Variants in DSCAM observed in about 807,000 individuals in gnomAD.
The protein encoded by DSCAM is DS cell adhesion molecule, also known as cell adhesion molecule DSCAM.
Under a neutral mutation model 217.7 loss-of-function variants are expected in DSCAM, and 47 were observed. That is an observed-to-expected ratio of 0.22 (90% CI 0.17 to 0.28). DSCAM has a LOEUF of 0.28. Ranked by LOEUF, DSCAM falls within the 10% of genes least tolerant of loss-of-function variation. DSCAM has a pLI of 1.00. For missense variants in DSCAM, 2,080 were observed against 2,618.3 expected, an observed-to-expected ratio of 0.79 and a Z score of 4.49; for synonymous variants, 1,056 against 1,015.3, an observed-to-expected ratio of 1.04 and a Z score of -0.76.
intron 3 of DSCAM, among the ~76,000 whole-genome samples, chr21:40,633,378 G>A (rs908593226): frequency 1.3e-5 from 2 of 152,176 alleles, no homozygotes; most frequent in African/African-American, 2.4e-5. Flanking sequence ...CTCTCTGCAA[G>A]AGCAGGGACC....
chr21:40,058,394 C>T (rs77290333), intron 28 of DSCAM, among the ~76,000 whole-genome samples: 2 of 152,026 alleles, frequency 1.3e-5, no homozygotes, highest in African/African-American at 2.4e-5. Context: ...TTATTACTCT[C>T]TAGCATATAC....
At chr21:40,221,659 C>A (rs1411762087) in intron 11 of DSCAM, among the ~76,000 whole-genome samples, 1 of 152,014 alleles carries the variant, frequency 6.6e-6, no homozygotes, top group African/African-American at 2.4e-5. Flanking sequence ...GCCAACAGTA[C>A]AAAAGCAACA....
At chr21:40,536,530 T>C (rs893518325) in intron 3 of DSCAM, among the ~76,000 whole-genome samples, 1 of 151,884 alleles carries the variant, frequency 6.6e-6, no homozygotes, top group East Asian at 1.9e-4. Context: ...GCCTCCCTAG[T>C]AGCTGGGACT....
chr21:40,608,116 G>A (rs1348957326), intron 3 of DSCAM, among the ~76,000 whole-genome samples: 1 of 152,184 alleles, frequency 6.6e-6, no homozygotes, highest in Non-Finnish European at 1.5e-5. Flanking sequence ...AATGGTAGGA[G>A]GAGACTGATT....
At chr21:40,200,221 C>T (rs957455228) in intron 11 of DSCAM, among the ~76,000 whole-genome samples, 2 of 152,134 alleles carry the variant, frequency 1.3e-5, no homozygotes, top group Non-Finnish European at 2.9e-5. Context: ...CATTGCTGTA[C>T]AGCCTTCACT....
intron 27 of DSCAM, among the ~76,000 whole-genome samples, chr21:40,065,321 CTGAGA>C (rs1435472617): frequency 1.3e-5 from 2 of 151,864 alleles, no homozygotes; most frequent in East Asian, 3.9e-4. Flanking sequence ...GATGCCAGGG[CTGAGA>C]TGAGGGTCTG....
chr21:40,453,109 C>T (rs1320101606), intron 3 of DSCAM, among the ~76,000 whole-genome samples: 1 of 130,782 alleles, frequency 7.6e-6, no homozygotes, highest in Non-Finnish European at 1.6e-5. Flanking sequence ...ATGTGTATAT[C>T]TACACATACA....
intron 1 of DSCAM, among the ~76,000 whole-genome samples, chr21:40,836,257 C>T (rs1001704940): frequency 1.3e-5 from 2 of 152,158 alleles, no homozygotes; most frequent in African/African-American, 2.4e-5. Flanking sequence ...CAGCTGCTAT[C>T]GAAGAAGGGA....
intron 15 of DSCAM, among the ~76,000 whole-genome samples, chr21:40,169,866 C>G (rs1318392762): frequency 6.6e-6 from 1 of 152,090 alleles, no homozygotes; most frequent in African/African-American, 2.4e-5. Flanking sequence ...TATGCTTTCT[C>G]CACCATCGTC....
chr21:40,532,237 A>G (rs1208474207), intron 3 of DSCAM, among the ~76,000 whole-genome samples: 1 of 151,252 alleles, frequency 6.6e-6, no homozygotes, highest in Non-Finnish European at 1.5e-5. Flanking sequence ...GGGGAAAACA[A>G]AAAAAGAACA....
At position 40,226,023 on chromosome 21, in the gene DSCAM, G is replaced by A. The variant is rs551040693; in HGVS notation, c.2357-36785C>T. 1.4e-4 allele frequency among the ~76,000 whole-genome samples: 22 copies of A among 152,254 alleles called. No individual in the cohort carries two copies. In the South Asian group the frequency reaches 4.1e-3, roughly 29 times the overall value. The stretch of plus-strand genomic sequence containing the variant: ...CTACATATAAATAGCACTTATTTAC[G>A]AACTGCTTTACATGCATTAACTCTT... On this transcript the variant is annotated intron_variant, in intron 11 of 32. Transcript: ENST00000400454.
intron 1 of DSCAM, among the ~76,000 whole-genome samples, chr21:40,832,842 A>T (rs1413227666): frequency 1.3e-5 from 2 of 152,140 alleles, no homozygotes; most frequent in African/African-American, 4.8e-5. Context: ...ACCACCATCG[A>T]TATTTTCTAC....
chr21:40,207,006 A>G (rs2146870301), intron 11 of DSCAM, among the ~76,000 whole-genome samples: 1 of 152,380 alleles, frequency 6.6e-6, no homozygotes, highest in East Asian at 1.9e-4. Flanking sequence ...CAGGATAGAA[A>G]CCACAAAGAT....
intron 2 of DSCAM, among the ~76,000 whole-genome samples, chr21:40,696,560 C>T (rs1202618637): frequency 6.6e-6 from 1 of 152,142 alleles, no homozygotes; most frequent in Admixed American, 6.5e-5. Context: ...GTGAATGGTT[C>T]CAGTGCCCAA....
At chr21:40,659,357 CTAT>C (rs2090111296) in intron 3 of DSCAM, among the ~76,000 whole-genome samples, 6 of 67,450 alleles carry the variant, frequency 8.9e-5, no homozygotes, top group African/African-American at 3.2e-4. Flanking sequence ...AGATGAGTAT[CTAT>C]CTATCTATCT....
At chr21:40,043,373 T>A (rs13049015) in intron 31 of DSCAM, among the ~76,000 whole-genome samples, 34,690 of 152,192 alleles carry the variant, frequency 0.23, 4,191 homozygotes, top group Non-Finnish European at 0.27. Context: ...AATCACAGCC[T>A]TAAAAATAAA....
chr21:40,455,279 A>C (rs777769515), intron 3 of DSCAM, among the ~76,000 whole-genome samples: 10 of 152,238 alleles, frequency 6.6e-5, no homozygotes, highest in Non-Finnish European at 1.0e-4. Flanking sequence ...TCATGAATGA[A>C]AAGAACTGAA....
intron 10 of DSCAM, among the ~76,000 whole-genome samples, chr21:40,284,907 TGAA>T (rs1411494092): frequency 2.0e-5 from 3 of 152,222 alleles, no homozygotes; most frequent in African/African-American, 7.2e-5. Context: ...ATTTCTATGT[TGAA>T]GAAGGCTATC....
rs16999475 is a variant in DSCAM, at chr21:40,195,467, G to A, written c.2357-6229C>T. ...ATACTTTCATTTTATAGAGAAGAAAGGGTGTCAAATGCCCAAATACAGGAG... is the reference window on the plus strand; with the variant it reads ...ATACTTTCATTTTATAGAGAAGAAAAGGTGTCAAATGCCCAAATACAGGAG... On this transcript the variant is annotated intron_variant, in intron 11 of 32. Transcript: ENST00000400454. Among the ~76,000 whole-genome samples the A allele has an allele frequency of 8.2e-3, 1,244 of 152,266 alleles. 22 individuals carry two copies. The highest frequency in any genetic ancestry group is 0.029 in the African/African-American group (1,185 of 41,554).
Sources: gnomAD v4.1 joint callset for allele counts (sites outside exome capture counted in the v4.1 genomes callset) on GRCh38, gnomAD v4.1.1 for gene constraint, MANE v1.5 for transcripts, NCBI Gene and HGNC (gene_info 2026-07-23, HGNC 2026-07-21) for gene names.